LRP12: variants seen among roughly 807,000 people sequenced by gnomAD.
LRP12 encodes the protein low-density lipoprotein receptor-related protein 12.
LRP12 carries 14 observed loss-of-function variants against 66.0 expected under a neutral mutation model. That is an observed-to-expected ratio of 0.21 (90% confidence interval 0.14 to 0.33). The LOEUF (loss-of-function observed/expected upper bound fraction) is 0.33, where lower values mean the gene tolerates loss of function less well. Among genes scored for constraint, LRP12 ranks in the 10% least tolerant of loss-of-function variants. The pLI, the probability that LRP12 is intolerant of heterozygous loss-of-function variation, is 1.00. For synonymous variants in LRP12, 357 were observed against 359.1 expected, an observed-to-expected ratio of 0.99 and a Z score of 0.07; for missense variants, 889 against 1,053.4, an observed-to-expected ratio of 0.84 and a Z score of 2.16.
intron 1 of LRP12, among the ~76,000 whole-genome samples, chr8:104,588,405 GC>G (rs1227146683): frequency 6.6e-6 from 1 of 152,168 alleles, no homozygotes; most frequent in Non-Finnish European, 1.5e-5. Context: ...GGTTGAGGGG[GC>G]GGGGGGAAGG....
At chr8:104,511,634 A>T (rs1810998979) in intron 2 of LRP12, among the ~76,000 whole-genome samples, 1 of 152,232 alleles carries the variant, frequency 6.6e-6, no homozygotes, top group Admixed American at 6.5e-5. Context: ...AATGATCAAA[A>T]TAAAACAAGC....
intron 2 of LRP12, among the ~76,000 whole-genome samples, chr8:104,514,342 T>C (rs561061561): frequency 1.3e-5 from 2 of 152,228 alleles, no homozygotes; most frequent in Non-Finnish European, 2.9e-5. Flanking sequence ...TTATCATATT[T>C]ATATTACTGT....
In LRP12 at chr8:104,499,297, T is replaced by C. The variant is rs372496497; in HGVS notation, c.475+20A>G. 7.5e-6 allele frequency: 12 copies of C among 1,594,040 alleles called. No individual in the cohort carries two copies. The African/African-American group carries it at 1.6e-4, about 21-fold the overall frequency. On this transcript the variant is annotated intron_variant, in intron 4 of 6. Transcript: ENST00000276654. ...ATACCATAAAATTCAGTTCAATATC[T>C]TTCTTATTTAAAAACACACCTGAAA... is the stretch of plus-strand genomic sequence containing the variant.
chr8:104,577,939 CA>C (rs35337488), intron 1 of LRP12, among the ~76,000 whole-genome samples: 1 of 151,794 alleles, frequency 6.6e-6, no homozygotes, highest in African/African-American at 2.4e-5. Context: ...ATGCCCACAT[CA>C]AAAAGTTAGA....
At chr8:104,560,752 T>A (rs1437776111) in intron 1 of LRP12, among the ~76,000 whole-genome samples, 1 of 152,204 alleles carries the variant, frequency 6.6e-6, no homozygotes, top group Non-Finnish European at 1.5e-5. Flanking sequence ...CAGGCAATAA[T>A]CAGATTTTCC....
Position 104,497,270 on chromosome 8 carries a change from G to C in LRP12, c.1282C>G (p.Pro428Ala). 4 of 1,614,190 alleles carry C rather than the reference G, an allele frequency of 2.5e-6. No homozygotes were observed. Among genetic ancestry groups the C allele is most frequent in the Non-Finnish European group, 3.4e-6 (4 of 1,180,046 alleles). ...FPCSRNGVCY[P>A]RSDRCNYQNH... ...TGGTAGTTGCAGCGATCAGAACGAG[G>C]ATAACAGACACCATTTCGGGAACAT... The change falls in exon 5 of 7, where the codon CCT (proline) becomes GCT (alanine). Residue 428 changes from proline (P) to alanine (A), a missense_variant. By Grantham distance (27) the Pro-to-Ala change is conservative. Coordinates refer to ENST00000276654, the MANE Select transcript of LRP12 (RefSeq NM_013437.5). This position sits in a 1 kb window ranked among gnomAD's most constrained non-coding sequence, Gnocchi z 4.3.
rs66644217 is a variant in LRP12, at chr8:104,549,400, C to CTTT, written c.80-17440_80-17438dup. Among the ~76,000 whole-genome samples, 73 of 116,672 alleles carry CTTT rather than the reference C, an allele frequency of 6.3e-4. 3 individuals carry two copies. Among genetic ancestry groups the CTTT allele is most frequent in the African/African-American group, 1.2e-3 (36 of 30,692 alleles). 76.5% of individuals were successfully genotyped at this position (116,672 alleles called of 152,430 possible). A position where few individuals can be genotyped will look rare whatever the true frequency, so the allele number is the denominator to read the frequency against. The stretch of plus-strand genomic sequence containing the variant: ...CTAAAAAACATCAACTCTGAATCCA[C>CTTT]TTTTTTTTTTTTTTTTTTTTGAGAC... On this transcript the variant is annotated intron_variant, in intron 1 of 6. Transcript: ENST00000276654.
rs537713405 is a variant in LRP12 at position 104,581,816 on chromosome 8, T to C, written c.79+7003A>G. ...ACATGAACCTTAGGCAAAACTACTA[T>C]TCTCAAAGCTTCAGTTTCTTCTAAT... On this transcript the variant is annotated intron_variant, in intron 1 of 6. Coordinates refer to ENST00000276654, the MANE Select transcript of LRP12 (RefSeq NM_013437.5). Among the ~76,000 whole-genome samples, 9 of 152,264 alleles carry C rather than the reference T, an allele frequency of 5.9e-5. No individual in the cohort carries two copies. In the South Asian group the frequency reaches 1.9e-3, roughly 32 times the overall value.
At chr8:104,588,731 T>C (rs1244996692) in intron 1 of LRP12, 88 bp downstream of exon 1, 6 of 1,189,238 alleles carry the variant, frequency 5.0e-6, no homozygotes, top group Non-Finnish European at 7.2e-6. Context: ...CGCGGGAGTC[T>C]CCAGGGGAAC....
chr8:104,506,410 T>C (rs1387803753), intron 3 of LRP12: 18 of 152,166 alleles, frequency 1.2e-4, no homozygotes, highest in Admixed American at 1.2e-3. Context: ...TTCTGGAATT[T>C]TGGTTTACAG....
At chr8:104,516,759 G>C (rs1564133595) in intron 2 of LRP12, among the ~76,000 whole-genome samples, 1 of 152,134 alleles carries the variant, frequency 6.6e-6, no homozygotes, top group East Asian at 1.9e-4. Context: ...ACATGAAAGA[G>C]GGAGGATCAC....
intron 1 of LRP12, among the ~76,000 whole-genome samples, chr8:104,533,441 T>C (rs1811355039): frequency 6.6e-6 from 1 of 152,090 alleles, no homozygotes; most frequent in Non-Finnish European, 1.5e-5. Flanking sequence ...ACTGGCCACC[T>C]TGGGAGTGTG....
At chr8:104,587,961 A>C (rs1283290725) in intron 1 of LRP12, among the ~76,000 whole-genome samples, 2 of 152,182 alleles carry the variant, frequency 1.3e-5, no homozygotes, top group Non-Finnish European at 2.9e-5. Context: ...AATTATCTTA[A>C]GAGATAGATG....
chr8:104,521,162 A>T (rs79339034), intron 2 of LRP12, among the ~76,000 whole-genome samples: 4,653 of 152,018 alleles, frequency 0.031, 238 homozygotes, highest in African/African-American at 0.11. Context: ...ATATGTACAG[A>T]TATATACTTA....
chr8:104,576,684 T>C lies in LRP12; in HGVS notation c.79+12135A>G, dbSNP rs1284969755. ...TGAAGTATACAGACCAATGACACTATAAAGCAACTGCATAAACAAGTCTGC... is the reference window on the plus strand; with the variant it reads ...TGAAGTATACAGACCAATGACACTACAAAGCAACTGCATAAACAAGTCTGC... On this transcript the variant is annotated intron_variant, in intron 1 of 6. Coordinates refer to ENST00000276654, the MANE Select transcript of LRP12 (RefSeq NM_013437.5). Among the ~76,000 whole-genome samples, 2 of 152,030 alleles carry C rather than the reference T, an allele frequency of 1.3e-5. 1 individual carries two copies. The highest frequency in any genetic ancestry group is 4.8e-5 in the African/African-American group (2 of 41,382).
Position 104,589,176 on chromosome 8 carries a change from G to C in LRP12, c.-279C>G, listed in dbSNP as rs1035689164. 1.3e-5 allele frequency among the ~76,000 whole-genome samples: 2 copies of C among 151,000 alleles called. No homozygotes were observed. The highest frequency in any genetic ancestry group is 3.0e-5 in the Non-Finnish European group (2 of 67,726). On this transcript the variant is annotated 5_prime_UTR_variant, in exon 1 of 7. Coordinates refer to ENST00000276654, the MANE Select transcript of LRP12 (RefSeq NM_013437.5). ...GGGGGCAAGGGCAAGGAGCTCGCGC[G>C]CCAGCGCGAGACGAGAGGGTGGCGG...
chr8:104,524,223 C>T (rs952381730), intron 2 of LRP12, among the ~76,000 whole-genome samples: 2 of 103,414 alleles, frequency 1.9e-5, no homozygotes, highest in Non-Finnish European at 3.7e-5. Flanking sequence ...GCCTGGGTGA[C>T]AAAGTCAGAC....
At chr8:104,496,342 C>T (rs1480424789) in intron 5 of LRP12, among the ~76,000 whole-genome samples, 6 of 152,104 alleles carry the variant, frequency 3.9e-5, no homozygotes, top group Admixed American at 6.6e-5. Flanking sequence ...CTGGACATTC[C>T]TACTTCTATA....
At chr8:104,509,483 A>G (rs1025346013) in intron 2 of LRP12, among the ~76,000 whole-genome samples, 2 of 152,184 alleles carry the variant, frequency 1.3e-5, no homozygotes, top group Admixed American at 6.5e-5. Flanking sequence ...TGTCCAGTGT[A>G]TCCACGCTGT....
Sources: allele counts gnomAD v4.1 joint callset (sites outside exome capture counted in the v4.1 genomes callset), GRCh38; gene constraint gnomAD v4.1.1; non-coding constraint Gnocchi (gnomAD v3.1); transcripts MANE v1.5; gene names NCBI Gene and HGNC (gene_info 2026-07-23, HGNC 2026-07-21).